The following KIAA1217 variants were observed in gnomAD, a reference collection of about 807,000 sequenced individuals.
KIAA1217 encodes KIAA1217.
A neutral mutation model predicts 163.9 loss-of-function variants in KIAA1217; 88 were observed. The observed-to-expected ratio is 0.54, with a 90% confidence interval of 0.45 to 0.64. The LOEUF is 0.64. KIAA1217 is among the 30% of genes least tolerant of loss of function. The pLI is 0.00. For synonymous variants in KIAA1217, 903 were observed against 923.1 expected (o/e 0.98, Z 0.39); for missense variants, 2,372 against 2,475.0 (o/e 0.96, Z 0.88).
chr10:24,281,583 A>G (rs550102629), intron 2 of KIAA1217, among the ~76,000 whole-genome samples: 4 of 151,880 alleles, frequency 2.6e-5, no homozygotes, highest in Non-Finnish European at 5.9e-5. Context: ...AGTTTCTCAG[A>G]CTCTCCTTGT....
rs143050549 is a variant in KIAA1217 at position 23,710,808 on chromosome 10, T to A, written c.-321+15574T>A. 4.3e-3 allele frequency among the ~76,000 whole-genome samples: 655 copies of A among 152,270 alleles called. 2 individuals are homozygous for A. The highest frequency in any genetic ancestry group is 7.3e-3 in the Non-Finnish European group (494 of 68,026). On this transcript the variant is annotated intron_variant, in intron 1 of 18. Coordinates refer to the KIAA1217 transcript ENST00000376462. ...CATTACAAAATAATCTCCAGGTAGC[T>A]CATCAAATACCTATGGAATGGGTAC...
At chr10:23,844,084 C>T (rs193223619) in intron 1 of KIAA1217, among the ~76,000 whole-genome samples, 1 of 152,188 alleles carries the variant, frequency 6.6e-6, no homozygotes, top group East Asian at 1.9e-4. Context: ...GATTTTACTG[C>T]TTTTTAAATA....
chr10:24,487,602 G>T (rs1244572549), intron 6 of KIAA1217, among the ~76,000 whole-genome samples: 1 of 151,624 alleles, frequency 6.6e-6, no homozygotes, highest in African/African-American at 2.4e-5. Context: ...ATTAGAAATA[G>T]CTTTTTCCTC....
rs1491430035 is a variant in KIAA1217, at chr10:24,264,763, CTT to C, written c.354+44856_354+44857del. The stretch of plus-strand genomic sequence containing the variant: ...CTTGCTCTTGTGGTGGTCGGTCGGT[CTT>C]TCTCTCTCTCTCTCTCTCTCTCTCT... On this transcript the variant is annotated intron_variant, in intron 2 of 20. Transcript: ENST00000376454. Among the ~76,000 whole-genome samples the C allele has an allele frequency of 4.4e-4, 43 of 98,618 alleles. No individual in the cohort carries two copies. In the South Asian group the frequency reaches 5.4e-3, roughly 12 times the overall value. 64.7% of individuals were successfully genotyped at this position (98,618 alleles called of 152,430 possible).
intron 2 of KIAA1217, among the ~76,000 whole-genome samples, chr10:24,112,418 G>A (rs76584303): frequency 0.015 from 2,247 of 152,208 alleles, 60 homozygotes; most frequent in African/African-American, 0.052. Context: ...CAAGTATATA[G>A]CCTGGTGTCG....
At chr10:24,222,375 T>C (rs1186165874) in intron 2 of KIAA1217, among the ~76,000 whole-genome samples, 1 of 152,246 alleles carries the variant, frequency 6.6e-6, no homozygotes, top group African/African-American at 2.4e-5. Context: ...TATACATTTT[T>C]ATTCTCTTAT....
At chr10:24,116,400 GTC>G (rs2063056061) in intron 2 of KIAA1217, among the ~76,000 whole-genome samples, 1 of 152,100 alleles carries the variant, frequency 6.6e-6, no homozygotes, top group African/African-American at 2.4e-5. Flanking sequence ...AGACCATGCA[GTC>G]TCTGTCGTAA....
rs1379124201 is a variant in KIAA1217, at chr10:23,868,075, C to A, written c.-320-139150C>A. Among the ~76,000 whole-genome samples the A allele has an allele frequency of 5.9e-5, 9 of 152,168 alleles. No individual in the cohort carries two copies. In the East Asian group the frequency reaches 1.7e-3, roughly 29 times the overall value. On this transcript the variant is annotated intron_variant, in intron 1 of 18. Transcript: ENST00000376462. ...GTTTCAGGTTTCTACATATGGCTAG[C>A]CAGTTTTCCCAGCAGGTCTACGGCC...
intron 2 of KIAA1217, among the ~76,000 whole-genome samples, chr10:24,178,103 GT>G (rs1440230515): frequency 6.6e-6 from 1 of 152,192 alleles, no homozygotes; most frequent in Non-Finnish European, 1.5e-5. Context: ...AAAAAGATAA[GT>G]GTGCATATAA....
intron 2 of KIAA1217, among the ~76,000 whole-genome samples, chr10:24,131,779 T>C (rs2063661296): frequency 6.6e-6 from 1 of 152,162 alleles, no homozygotes; most frequent in African/African-American, 2.4e-5. Flanking sequence ...AAGGAATAGA[T>C]TGTGTACCTG....
intron 1 of KIAA1217, among the ~76,000 whole-genome samples, chr10:23,811,411 G>A (rs1837046523): frequency 6.6e-6 from 1 of 150,882 alleles, no homozygotes; most frequent in South Asian, 2.1e-4. Context: ...GGGAAAAAAG[G>A]GGAACTCAGT....
At chr10:24,086,459 T>G (rs980599142) in intron 2 of KIAA1217, among the ~76,000 whole-genome samples, 8 of 152,226 alleles carry the variant, frequency 5.3e-5, no homozygotes, top group Non-Finnish European at 1.0e-4. Context: ...AGTCTCCATG[T>G]GTATCAGATT....
At chr10:23,970,621 A>T (rs1465827562) in intron 1 of KIAA1217, among the ~76,000 whole-genome samples, 1 of 152,238 alleles carries the variant, frequency 6.6e-6, no homozygotes, top group Non-Finnish European at 1.5e-5. Flanking sequence ...GAAAAGTGCT[A>T]AGACAGTAAA....
At chr10:24,154,508 A>T (rs561359902) in intron 2 of KIAA1217, among the ~76,000 whole-genome samples, 1 of 152,262 alleles carries the variant, frequency 6.6e-6, no homozygotes, top group Non-Finnish European at 1.5e-5. Flanking sequence ...AAGATAATAT[A>T]AAAGCACTTA....
intron 1 of KIAA1217, among the ~76,000 whole-genome samples, chr10:23,785,300 T>TAGGAG (rs1284577549): frequency 6.6e-6 from 1 of 152,174 alleles, no homozygotes; most frequent in African/African-American, 2.4e-5. Context: ...ACTCATCCTT[T>TAGGAG]AGGAGTCAAC....
chr10:24,198,611 A>G (rs1271764955), intron 2 of KIAA1217, among the ~76,000 whole-genome samples: 2 of 151,148 alleles, frequency 1.3e-5, no homozygotes, highest in African/African-American at 4.9e-5. Context: ...GCATTTACTC[A>G]GGATCTGTGT....
intron 3 of KIAA1217, among the ~76,000 whole-genome samples, chr10:24,419,495 T>G (rs2131510297): frequency 6.6e-6 from 1 of 152,300 alleles, no homozygotes; most frequent in East Asian, 1.9e-4. Context: ...GTCACACAAC[T>G]TACTTCTCTC....
chr10:24,200,244 G>T (rs1453492995), intron 2 of KIAA1217, among the ~76,000 whole-genome samples: 1 of 148,850 alleles, frequency 6.7e-6, no homozygotes, highest in Non-Finnish European at 1.5e-5. Context: ...ATGGGGCCTC[G>T]CTGTTTCCTA....
intron 1 of KIAA1217, among the ~76,000 whole-genome samples, chr10:23,854,981 G>C (rs1407462675): frequency 6.6e-6 from 1 of 152,186 alleles, no homozygotes; most frequent in Non-Finnish European, 1.5e-5. Flanking sequence ...TTGCCAGTCT[G>C]TGTCTTTTAA....
Sources: gnomAD v4.1 joint callset for allele counts (sites outside exome capture counted in the v4.1 genomes callset) on GRCh38, gnomAD v4.1.1 for gene constraint, MANE v1.5 for transcripts, NCBI Gene and HGNC (gene_info 2026-07-23, HGNC 2026-07-21) for gene names.